The following HHIPL2 variants were observed in gnomAD, a reference collection of about 807,000 sequenced individuals.
HHIPL2 encodes the protein HHIP-like protein 2.
Under a neutral mutation model 61.0 loss-of-function variants are expected in HHIPL2, and 61 were observed. That is an observed-to-expected ratio of 1.00 (90% confidence interval 0.81 to 1.24). The LOEUF (loss-of-function observed/expected upper bound fraction) is 1.24. HHIPL2 is among the 50% of genes most tolerant of loss of function. The pLI is 0.00. For missense variants in HHIPL2, 885 were observed against 910.2 expected (o/e 0.97, Z 0.36); for synonymous variants, 343 against 357.4 (o/e 0.96, Z 0.45).
intron 5 of HHIPL2, among the ~76,000 whole-genome samples, chr1:222,532,911 C>T (rs1659222896): frequency 6.6e-6 from 1 of 152,166 alleles, no homozygotes; most frequent in Non-Finnish European, 1.5e-5. Context: ...AAAGATGCTT[C>T]CTATCCCTCT....
In HHIPL2 at chr1:222,534,494, G is replaced by A. The variant is rs1195005052; in HGVS notation, c.1578-2383C>T. Among the ~76,000 whole-genome samples the A allele has an allele frequency of 1.3e-4, 19 of 151,532 alleles. 1 individual carries two copies. The highest frequency in any genetic ancestry group is 1.1e-3 in the Admixed American group (17 of 15,196). On this transcript the variant is annotated intron_variant, in intron 5 of 8. Coordinates refer to ENST00000343410, the MANE Select transcript of HHIPL2 (RefSeq NM_024746.4). Reference sequence around the variant, plus strand: ...CAGGAGGCTGAGGCAGGAGAAGGGCGTGAACCCGGGAGGCGGAGCTTGCAG... The same window carrying A: ...CAGGAGGCTGAGGCAGGAGAAGGGCATGAACCCGGGAGGCGGAGCTTGCAG...
intron 7 of HHIPL2, 92 bp downstream of exon 7, chr1:222,526,877 G>T: frequency 1.0e-6 from 1 of 966,296 alleles, no homozygotes; most frequent in Non-Finnish European, 1.6e-6. Flanking sequence ...ACATGAGTTT[G>T]CTTCGGGACA....
chr1:222,538,478 T>C (rs1659354112), intron 5 of HHIPL2, among the ~76,000 whole-genome samples, 170 bp downstream of exon 5: 1 of 150,596 alleles, frequency 6.6e-6, no homozygotes, highest in Non-Finnish European at 1.5e-5. Context: ...CCTTCTAGGG[T>C]GATGGAAGTG....
intron 6 of HHIPL2, among the ~76,000 whole-genome samples, chr1:222,530,663 A>G (rs1022999431): frequency 6.6e-6 from 1 of 152,218 alleles, no homozygotes; most frequent in Non-Finnish European, 1.5e-5. Context: ...CATGGCCCAG[A>G]GGGGAAAGAA....
intron 5 of HHIPL2, among the ~76,000 whole-genome samples, chr1:222,535,009 AC>A (rs1261936929): frequency 6.6e-6 from 1 of 152,138 alleles, no homozygotes; most frequent in Non-Finnish European, 1.5e-5. Flanking sequence ...TATGAAGAAA[AC>A]CAAACTAAGG....
In HHIPL2 at chr1:222,542,213, T is replaced by A; in HGVS notation, c.975-58A>T. 1.9e-6 allele frequency: 3 copies of A among 1,583,180 alleles called. No individual in the cohort carries two copies. The African/African-American group carries it at 4.1e-5, about 22-fold the overall frequency. ...TTTGACACAAGCTGAAGCTGCATCC[T>A]CTTGAGATACCCAGAAATGACTGGG... is the stretch of plus-strand genomic sequence containing the variant. On this transcript the variant is annotated intron_variant, in intron 2 of 8. Coordinates refer to ENST00000343410, the MANE Select transcript of HHIPL2 (RefSeq NM_024746.4).
At chr1:222,527,250 C>T (rs1438261767) in intron 6 of HHIPL2, among the ~76,000 whole-genome samples, 200 bp from the exon 7 acceptor site, 2 of 152,174 alleles carry the variant, frequency 1.3e-5, no homozygotes, top group Non-Finnish European at 2.9e-5. Context: ...TTTGAACCCC[C>T]CAAAGACTAG....
Position 222,522,463 on chromosome 1 carries a change from C to T in HHIPL2, c.*138G>A, listed in dbSNP as rs1658971429. Reference sequence around the variant, plus strand: ...TTTATTCAGTAGACAGCAAGATTTCCCAGGGAGAGGAAAACCGCCCTGCCC... The same window carrying T: ...TTTATTCAGTAGACAGCAAGATTTCTCAGGGAGAGGAAAACCGCCCTGCCC... On this transcript the variant is annotated 3_prime_UTR_variant, in exon 9 of 9. Coordinates refer to ENST00000343410, the MANE Select transcript of HHIPL2 (RefSeq NM_024746.4). 3 of 802,478 alleles carry T rather than the reference C, an allele frequency of 3.7e-6. No individual in the cohort carries two copies. In the Admixed American group the frequency reaches 6.9e-5, roughly 19 times the overall value. The allele number at this position is 802,478 out of a possible 1,614,324, so 49.7% of individuals were successfully genotyped here.
intron 5 of HHIPL2, among the ~76,000 whole-genome samples, chr1:222,532,987 G>C (rs1309190249): frequency 6.6e-6 from 1 of 152,190 alleles, no homozygotes; most frequent in Non-Finnish European, 1.5e-5. Context: ...TAGACCCTGG[G>C]TGCTCATCAG....
At chr1:222,538,913 G>T in intron 4 of HHIPL2, 139 bp from the exon 5 acceptor site, 1 of 752,868 alleles carries the variant, frequency 1.3e-6, no homozygotes, top group Non-Finnish European at 2.1e-6. Context: ...GGACAGGCAA[G>T]CAAGTGAATC....
rs371622812 is a variant in HHIPL2, at chr1:222,523,605, G to C, written c.1888+7C>G. On this transcript the variant is annotated splice_region_variant and intron_variant, in intron 8 of 8. Transcript: ENST00000343410. ...GGCCTGAGCCTAAGACTCAAAGATG[G>C]ACTCACTGGCGAGTGGTCTGAACGG... 1 of 1,613,788 alleles carries C rather than the reference G, an allele frequency of 6.2e-7. No homozygotes were observed. Among genetic ancestry groups the C allele is most frequent in the Non-Finnish European group, 8.5e-7 (1 of 1,179,702 alleles).
chr1:222,526,980 A>C lies in HHIPL2; in HGVS notation c.1794T>G (p.Val598=). 6.2e-7 allele frequency: 1 copy of C among 1,613,262 alleles called. No individual in the cohort carries two copies. Among genetic ancestry groups the C allele is most frequent in the Non-Finnish European group, 8.5e-7 (1 of 1,179,560 alleles). The change falls in exon 7 of 9, where the codon GTT becomes GTG. Residue 598 remains valine, a synonymous_variant. Coordinates refer to ENST00000343410, the MANE Select transcript of HHIPL2 (RefSeq NM_024746.4). ...ACATCAAATCTCACCTTGAGGGGTC[A>C]ACAAACTTGTAAATAGATCCACGTG... The part of the protein sequence containing the change: ...YAPRGSIYKF[V]DPSRRAPPGK...
At chr1:222,539,098 A>G (rs1268095296) in intron 4 of HHIPL2, 1 of 289,938 alleles carries the variant, frequency 3.4e-6, no homozygotes, top group Non-Finnish European at 6.4e-6. Context: ...GTTTAAGGAT[A>G]TGGAAAATAT....
In HHIPL2 at chr1:222,534,717, G is replaced by A. The variant is rs548328009; in HGVS notation, c.1578-2606C>T. Among the ~76,000 whole-genome samples the A allele has an allele frequency of 2.0e-3, 296 of 148,272 alleles. 2 individuals carry two copies. Among genetic ancestry groups the A allele is most frequent in the African/African-American group, 7.1e-3 (287 of 40,322 alleles). The stretch of plus-strand genomic sequence containing the variant: ...ACTCAATGGAATGAATGGCTGGCTA[G>A]ACATTACAAAAGAAACAATTCATGA... On this transcript the variant is annotated intron_variant, in intron 5 of 8. Coordinates refer to ENST00000343410, the MANE Select transcript of HHIPL2 (RefSeq NM_024746.4).
At chr1:222,527,172 C>A in intron 6 of HHIPL2, 122 bp from the exon 7 acceptor site, 1 of 720,640 alleles carries the variant, frequency 1.4e-6, no homozygotes, top group South Asian at 1.9e-5. Flanking sequence ...GCGCCAAGAA[C>A]GGAATCCCAG....
In HHIPL2 at chr1:222,523,581, G is replaced by A. The variant is rs757811915; in HGVS notation, c.1888+31C>T. On this transcript the variant is annotated intron_variant, in intron 8 of 8. Coordinates refer to ENST00000343410, the MANE Select transcript of HHIPL2 (RefSeq NM_024746.4). ...GCACTGCCTTAGCCTCCACACCAAGGCCTGAGCCTAAGACTCAAAGATGGA... is the reference window on the plus strand; with the variant it reads ...GCACTGCCTTAGCCTCCACACCAAGACCTGAGCCTAAGACTCAAAGATGGA... 1.1e-5 allele frequency: 18 copies of A among 1,599,432 alleles called. No individual in the cohort carries two copies. In the East Asian group the frequency reaches 3.6e-4, roughly 32 times the overall value.
chr1:222,523,151 T>C (rs1016513074), intron 8 of HHIPL2, among the ~76,000 whole-genome samples: 9 of 152,064 alleles, frequency 5.9e-5, no homozygotes, highest in African/African-American at 2.2e-4. Flanking sequence ...ACATTCCTCA[T>C]TCTAGGGGCC....
intron 2 of HHIPL2, among the ~76,000 whole-genome samples, chr1:222,542,979 T>G (rs573232654): frequency 6.6e-6 from 1 of 152,266 alleles, no homozygotes; most frequent in South Asian, 2.1e-4. Context: ...TTCTTTATGC[T>G]CTTTGCAATC....
intron 5 of HHIPL2, among the ~76,000 whole-genome samples, chr1:222,536,908 T>TCA (rs1437967382): frequency 6.6e-6 from 1 of 151,410 alleles, no homozygotes; most frequent in Non-Finnish European, 1.5e-5. Context: ...TTTTTTTTAA[T>TCA]TAGCTGGGTG....
Sources: allele counts gnomAD v4.1 joint callset (sites outside exome capture counted in the v4.1 genomes callset), GRCh38; gene constraint gnomAD v4.1.1; transcripts MANE v1.5; gene names NCBI Gene and HGNC (gene_info 2026-07-23, HGNC 2026-07-21).